Variants in PTBP2 observed in about 807,000 individuals in gnomAD.
The protein encoded by PTBP2 is polypyrimidine tract-binding protein 2.
Under a neutral mutation model 61.4 loss-of-function variants are expected in PTBP2, and 13 were observed. That is an observed-to-expected ratio of 0.21 (90% CI 0.14 to 0.34). The LOEUF is 0.34. PTBP2 is among the 10% of genes least tolerant of loss of function. PTBP2 has a pLI of 1.00. For missense variants in PTBP2, 405 were observed against 642.6 expected (o/e 0.63, Z 4.00); for synonymous variants, 215 against 218.5 (o/e 0.98, Z 0.14).
intron 8 of PTBP2, among the ~76,000 whole-genome samples, chr1:96,787,024 A>T (rs1276899936): frequency 1.3e-5 from 2 of 151,644 alleles, no homozygotes; most frequent in Non-Finnish European, 2.9e-5. Context: ...TAATAAAGTC[A>T]TTTTTTTTCT....
intron 10 of PTBP2, 110 bp downstream of exon 10, chr1:96,806,562 T>C (rs1661510942): frequency 8.0e-7 from 1 of 1,251,004 alleles, no homozygotes; most frequent in Non-Finnish European, 1.1e-6. Context: ...AATCTTTTGC[T>C]ATTTTTCTTT....
chr1:96,784,901 C>G (rs1292346681), intron 7 of PTBP2, 158 bp from the exon 8 acceptor site: 3 of 566,224 alleles, frequency 5.3e-6, no homozygotes, highest in Non-Finnish European at 3.0e-6. Context: ...AATACATGGA[C>G]AGCTGGAACA....
intron 8 of PTBP2, among the ~76,000 whole-genome samples, chr1:96,788,271 C>T (rs1659421511): frequency 6.6e-6 from 1 of 152,050 alleles, no homozygotes; most frequent in Admixed American, 6.6e-5. Context: ...AAGCCTTCAG[C>T]TTTATTCACT....
In PTBP2 at chr1:96,761,346, A is replaced by ATGTGTGTGTGTGTGTGTGTGTGTG. The variant is rs57451223; in HGVS notation, c.116-8337_116-8314dup. On this transcript the variant is annotated intron_variant, in intron 3 of 13. Transcript: ENST00000674951. ...AGCAGGGGCCTAGATGTGGGATTTG[A>ATGTGTGTGTGTGTGTGTGTGTGTG]TGTGTGTGTGTGTGTGTGTGTGTGT... 1.1e-4 allele frequency among the ~76,000 whole-genome samples: 15 copies of ATGTGTGTGTGTGTGTGTGTGTGTG among 140,574 alleles called. 1 individual carries two copies. The highest frequency in any genetic ancestry group is 4.0e-4 in the African/African-American group (15 of 37,968). 92.2% of individuals were successfully genotyped at this position (140,574 alleles called of 152,430 possible). A position where few individuals can be genotyped will look rare whatever the true frequency, so the allele number is the denominator to read the frequency against.
intron 3 of PTBP2, among the ~76,000 whole-genome samples, chr1:96,759,503 CA>C (rs1304663867): frequency 2.0e-5 from 3 of 152,050 alleles, no homozygotes; most frequent in East Asian, 3.9e-4. Flanking sequence ...AATATACATA[CA>C]AAAAAGCAAA....
chr1:96,741,056 T>C (rs1652944205), intron 2 of PTBP2, among the ~76,000 whole-genome samples: 1 of 152,126 alleles, frequency 6.6e-6, no homozygotes, highest in Non-Finnish European at 1.5e-5. Flanking sequence ...TGTAGATTCT[T>C]GTTTCTATAC....
intron 8 of PTBP2, among the ~76,000 whole-genome samples, chr1:96,802,367 G>C (rs2101174020): frequency 6.6e-6 from 1 of 152,206 alleles, no homozygotes; most frequent in Admixed American, 6.5e-5. Flanking sequence ...AAATAAGCAG[G>C]AGATACAGAG....
intron 8 of PTBP2, among the ~76,000 whole-genome samples, chr1:96,798,567 G>T (rs1482053704): frequency 6.6e-6 from 1 of 152,192 alleles, no homozygotes; most frequent in Non-Finnish European, 1.5e-5. Flanking sequence ...TAGAATGGCA[G>T]ATGGAGGGAT....
chr1:96,797,540 C>T (rs1401377715), intron 8 of PTBP2, among the ~76,000 whole-genome samples: 1 of 152,088 alleles, frequency 6.6e-6, no homozygotes, highest in Non-Finnish European at 1.5e-5. Flanking sequence ...TAAAATGTGC[C>T]TTCCAGACCC....
chr1:96,725,038 T>C (rs1007693062), intron 2 of PTBP2, among the ~76,000 whole-genome samples: 6 of 152,196 alleles, frequency 3.9e-5, no homozygotes, highest in Admixed American at 3.9e-4. Flanking sequence ...AATACGCTCT[T>C]TTTGGTGATA....
chr1:96,785,749 T>TA (rs1659144365), intron 8 of PTBP2, among the ~76,000 whole-genome samples: 2 of 152,106 alleles, frequency 1.3e-5, no homozygotes, highest in Admixed American at 1.3e-4. Flanking sequence ...AGTGGCCTTT[T>TA]AAAAAAACAA....
At chr1:96,815,548 CAG>C (rs747218739), downstream of PTBP2, 10 of 152,100 alleles carry the variant, frequency 6.6e-5, no homozygotes, top group South Asian at 2.1e-4. Context: ...TTTTTCTAAA[CAG>C]ATATATTGGT....
intron 5 of PTBP2, among the ~76,000 whole-genome samples, chr1:96,775,336 A>G (rs1177522898): frequency 6.6e-6 from 1 of 152,252 alleles, no homozygotes; most frequent in Non-Finnish European, 1.5e-5. Flanking sequence ...AGATATGTAC[A>G]AGAAAGTTCA....
intron 8 of PTBP2, among the ~76,000 whole-genome samples, chr1:96,803,149 C>T (rs1320155709): frequency 1.3e-5 from 2 of 152,120 alleles, no homozygotes; most frequent in African/African-American, 2.4e-5. Flanking sequence ...AAAAGATCCA[C>T]ATTGGTGTAT....
chr1:96,737,098 G>A lies in PTBP2; in HGVS notation c.39+13504G>A, dbSNP rs372848195. Among the ~76,000 whole-genome samples, 82 of 151,864 alleles carry A rather than the reference G, an allele frequency of 5.4e-4. 2 individuals are homozygous for A. The East Asian group carries it at 0.015, about 27-fold the overall frequency. ...GGGTTCACGCCATTCTCCTGCCTCAGCCTCCCGAGTAGCTGGGACTACAGG... is the reference window on the plus strand; with the variant it reads ...GGGTTCACGCCATTCTCCTGCCTCAACCTCCCGAGTAGCTGGGACTACAGG... On this transcript the variant is annotated intron_variant, in intron 2 of 13. Coordinates refer to ENST00000674951, the MANE Select transcript of PTBP2 (RefSeq NM_021190.4).
At chr1:96,725,565 G>A (rs1361440041) in intron 2 of PTBP2, among the ~76,000 whole-genome samples, 4 of 151,990 alleles carry the variant, frequency 2.6e-5, no homozygotes, top group African/African-American at 9.7e-5. Context: ...TTAGTTGTTT[G>A]AGGAGAACAC....
chr1:96,767,987 G>A (rs1181397176), intron 3 of PTBP2, among the ~76,000 whole-genome samples: 2 of 152,082 alleles, frequency 1.3e-5, no homozygotes, highest in Non-Finnish European at 1.5e-5. Context: ...TGCCGTTCAA[G>A]TATATAAACC....
At chr1:96,801,048 G>T (rs923995294) in intron 8 of PTBP2, among the ~76,000 whole-genome samples, 15 of 152,048 alleles carry the variant, frequency 9.9e-5, no homozygotes, top group African/African-American at 3.6e-4. Flanking sequence ...GCACGGTAGG[G>T]TTGTATCTCA....
intron 2 of PTBP2, among the ~76,000 whole-genome samples, chr1:96,736,434 C>T (rs1652190556): frequency 6.6e-6 from 1 of 151,918 alleles, no homozygotes; most frequent in Non-Finnish European, 1.5e-5. Flanking sequence ...AGTTTGAGTT[C>T]TGATGATCTA....
Sources: allele counts gnomAD v4.1 joint callset (sites outside exome capture counted in the v4.1 genomes callset), GRCh38; gene constraint gnomAD v4.1.1; transcripts MANE v1.5; gene names NCBI Gene and HGNC (gene_info 2026-07-23, HGNC 2026-07-21).